TBX5: variants seen among roughly 807,000 people sequenced by gnomAD.
The protein encoded by TBX5 is T-box transcription factor 5.
TBX5 carries 8 observed loss-of-function variants against 51.1 expected under a neutral mutation model. That is an observed-to-expected ratio of 0.16 (90% CI 0.09 to 0.28). The LOEUF (loss-of-function observed/expected upper bound fraction) is 0.28. TBX5 is among the 10% of genes least tolerant of loss of function. TBX5 has a pLI of 1.00. For missense variants in TBX5, 589 were observed against 671.7 expected, an observed-to-expected ratio of 0.88 and a Z score of 1.36; for synonymous variants, 302 against 266.4, an observed-to-expected ratio of 1.13 and a Z score of -1.30.
At chr12:114,403,729 C>T (rs1565943222) in intron 2 of TBX5, 23 bp downstream of exon 2, 4 of 1,611,196 alleles carry the variant, frequency 2.5e-6, no homozygotes, top group Non-Finnish European at 3.4e-6. Flanking sequence ...TGCAAAGGGA[C>T]CCGAAGCGCG....
intron 3 of TBX5, among the ~76,000 whole-genome samples, chr12:114,400,505 G>T (rs1022028616): frequency 4.6e-5 from 7 of 152,236 alleles, no homozygotes; most frequent in Non-Finnish European, 8.8e-5. Context: ...CTCAAGGCTG[G>T]CCCGGGGCGA....
chr12:114,361,736 A>C (rs1418427220), intron 8 of TBX5, among the ~76,000 whole-genome samples: 1 of 152,144 alleles, frequency 6.6e-6, no homozygotes, highest in Non-Finnish European at 1.5e-5. Context: ...GTTATCACTT[A>C]ATGAGAATCC....
chr12:114,393,485 G>T (rs536175224), intron 6 of TBX5, among the ~76,000 whole-genome samples: 6 of 152,132 alleles, frequency 3.9e-5, no homozygotes, highest in Non-Finnish European at 5.9e-5. Flanking sequence ...CCAAGGCTTA[G>T]AACATTAAAT....
At chr12:114,396,187 G>A (rs925371592) in intron 5 of TBX5, among the ~76,000 whole-genome samples, 4 of 151,866 alleles carry the variant, frequency 2.6e-5, no homozygotes, top group African/African-American at 7.3e-5. Context: ...CGCGGGCCCC[G>A]CGGCTGCCCG....
At chr12:114,356,587 A>G (rs900973573) in intron 8 of TBX5, among the ~76,000 whole-genome samples, 2 of 152,178 alleles carry the variant, frequency 1.3e-5, no homozygotes, top group African/African-American at 4.8e-5. Context: ...AATAGCAATT[A>G]TTATTATCTT....
chr12:114,374,996 G>C (rs1278805151), intron 7 of TBX5, among the ~76,000 whole-genome samples: 3 of 152,186 alleles, frequency 2.0e-5, no homozygotes, highest in African/African-American at 7.2e-5. Flanking sequence ...TCTAAGCAGT[G>C]AGTACATGGG....
chr12:114,405,704 C>A lies in TBX5; in HGVS notation c.-115G>T, dbSNP rs1273204485. 4.1e-6 allele frequency: 4 copies of A among 985,486 alleles called. No individual in the cohort carries two copies. Among genetic ancestry groups the A allele is most frequent in the African/African-American group, 1.7e-5 (1 of 57,260 alleles). The allele number at this position is 985,486 out of a possible 1,614,324, so 61.0% of individuals were successfully genotyped here. A position where few individuals can be genotyped will look rare whatever the true frequency, so the allele number is the denominator to read the frequency against. ...GGAAGCCGGCGGTGAGGCGGGGGAG[C>A]AGGCATGGTGGCTCCGGGGTTTATG... On this transcript the variant is annotated 5_prime_UTR_variant, in exon 1 of 9. Coordinates refer to ENST00000405440, the MANE Select transcript of TBX5 (RefSeq NM_181486.4).
At chr12:114,370,307 G>A (rs1046693912) in intron 7 of TBX5, among the ~76,000 whole-genome samples, 3 of 140,362 alleles carry the variant, frequency 2.1e-5, no homozygotes, top group Admixed American at 2.1e-4. Flanking sequence ...GAAAAGAAAA[G>A]AAAAGAAAGA....
intron 2 of TBX5, among the ~76,000 whole-genome samples, chr12:114,402,266 C>A (rs940296151): frequency 6.6e-6 from 1 of 151,836 alleles, no homozygotes; most frequent in African/African-American, 2.4e-5. Flanking sequence ...AAAAAACCAA[C>A]CAAACAAACA....
intron 8 of TBX5, 109 bp from the exon 9 acceptor site, chr12:114,356,215 T>A (rs1344262107): frequency 1.9e-6 from 2 of 1,072,424 alleles, no homozygotes; most frequent in Admixed American, 3.5e-5. Context: ...GAGAGACTGT[T>A]AGCCCTAACC....
At chr12:114,408,197 C>T, upstream of TBX5, 2 of 985,316 alleles carry the variant, frequency 2.0e-6, no homozygotes, top group Non-Finnish European at 2.4e-6. Flanking sequence ...CTATCAGTGC[C>T]GGGTCTGCGC....
intron 7 of TBX5, among the ~76,000 whole-genome samples, chr12:114,368,354 C>A (rs1043863752): frequency 1.3e-5 from 2 of 152,086 alleles, no homozygotes; most frequent in African/African-American, 4.8e-5. Context: ...ATCAATCAAT[C>A]AATCAATCAA....
Position 114,402,126 on chromosome 12 carries a change from T to G in TBX5, c.148-206A>C, listed in dbSNP as rs76448968. ...GGGATCCCTATGTAGGCTGAATCCCTGAGGGTTGCAACAACCACTTGAACC... is the reference window on the plus strand; with the variant it reads ...GGGATCCCTATGTAGGCTGAATCCCGGAGGGTTGCAACAACCACTTGAACC... On this transcript the variant is annotated intron_variant, in intron 2 of 8. Transcript: ENST00000405440. Among the ~76,000 whole-genome samples, 7,261 of 152,336 alleles carry G rather than the reference T, an allele frequency of 0.048. 192 individuals are homozygous for G. The highest frequency in any genetic ancestry group is 0.075 in the South Asian group (364 of 4,834).
chr12:114,375,731 G>T (rs111387746), intron 7 of TBX5, among the ~76,000 whole-genome samples: 179 of 152,180 alleles, frequency 1.2e-3, no homozygotes, highest in African/African-American at 3.8e-3. Context: ...CAGTATGGAG[G>T]TTCCCAAAAA....
At chr12:114,385,944 C>G (rs771481424) in intron 6 of TBX5, among the ~76,000 whole-genome samples, 1 of 151,556 alleles carries the variant, frequency 6.6e-6, no homozygotes. Context: ...TTGACATGAT[C>G]GTTGCACATC....
At chr12:114,395,761 CA>C (rs1871380701) in intron 5 of TBX5, among the ~76,000 whole-genome samples, 1 of 152,104 alleles carries the variant, frequency 6.6e-6, no homozygotes, top group Non-Finnish European at 1.5e-5. Context: ...GGGGTGTTCC[CA>C]GGGACAAGAG....
At chr12:114,394,310 C>A (rs919149576) in intron 6 of TBX5, among the ~76,000 whole-genome samples, 1 of 152,018 alleles carries the variant, frequency 6.6e-6, no homozygotes, top group African/African-American at 2.4e-5. Flanking sequence ...CAGAGTGAGA[C>A]CCTGTCTCGG....
chr12:114,366,044 G>A, intron 8 of TBX5, 121 bp downstream of exon 8: 1 of 1,132,826 alleles, frequency 8.8e-7, no homozygotes, highest in Non-Finnish European at 1.3e-6. Flanking sequence ...ATATTTTTGT[G>A]TTGTTTACAT....
intron 8 of TBX5, among the ~76,000 whole-genome samples, chr12:114,362,270 C>T (rs1291786464): frequency 6.6e-6 from 1 of 152,172 alleles, no homozygotes; most frequent in East Asian, 1.9e-4. Context: ...AGGCATGTTA[C>T]TCACAAATTT....
Sources: allele counts gnomAD v4.1 joint callset (sites outside exome capture counted in the v4.1 genomes callset), GRCh38; gene constraint gnomAD v4.1.1; transcripts MANE v1.5; gene names NCBI Gene and HGNC (gene_info 2026-07-23, HGNC 2026-07-21).